Variants in TRIO observed in about 807,000 individuals in gnomAD.
TRIO encodes the protein triple functional domain protein.
Under a neutral mutation model 351.9 loss-of-function variants are expected in TRIO, and 58 were observed. The ratio of observed to expected loss-of-function variants is 0.16; its 90% CI spans 0.13 to 0.21. TRIO has a LOEUF of 0.21. Among genes scored for constraint, TRIO ranks in the 10% least tolerant of loss-of-function variants. TRIO has a pLI of 1.00. For synonymous variants in TRIO, 1,758 were observed against 1,595.7 expected, an observed-to-expected ratio of 1.10 and a Z score of -2.42; for missense variants, 3,201 against 4,027.8, an observed-to-expected ratio of 0.79 and a Z score of 5.56.
chr5:14,195,652 T>C (rs1292300393), intron 1 of TRIO, among the ~76,000 whole-genome samples: 1 of 152,250 alleles, frequency 6.6e-6, no homozygotes, highest in Non-Finnish European at 1.5e-5. Context: ...TTCTTCCGCT[T>C]ATTCCACTTT....
At chr5:14,244,364 TATC>T (rs1362670807) in intron 1 of TRIO, among the ~76,000 whole-genome samples, 2 of 152,172 alleles carry the variant, frequency 1.3e-5, no homozygotes, top group Non-Finnish European at 2.9e-5. Flanking sequence ...ATGGGGCAAA[TATC>T]ATGGAAGAGG....
intron 9 of TRIO, among the ~76,000 whole-genome samples, chr5:14,318,092 C>A (rs1401264723): frequency 6.8e-6 from 1 of 146,790 alleles, no homozygotes; most frequent in East Asian, 2.0e-4. Flanking sequence ...TGCACCATTG[C>A]ACTCCAGCCT....
chr5:14,310,384 G>A (rs1356370916), intron 8 of TRIO, among the ~76,000 whole-genome samples: 1 of 152,256 alleles, frequency 6.6e-6, no homozygotes, highest in African/African-American at 2.4e-5. Flanking sequence ...GTGCCATGGG[G>A]CGTTGGCCTG....
intron 1 of TRIO, among the ~76,000 whole-genome samples, chr5:14,248,839 G>A (rs529512191): frequency 3.9e-4 from 59 of 152,300 alleles, no homozygotes; most frequent in South Asian, 3.5e-3. Context: ...CCATATTATG[G>A]GCAATGGCTC....
rs1202482585 is a variant in TRIO at position 14,176,948 on chromosome 5, A to G, written c.157+33066A>G. Among the ~76,000 whole-genome samples, 5 of 152,364 alleles carry G rather than the reference A, an allele frequency of 3.3e-5. No individual in the cohort carries two copies. In the East Asian group the frequency reaches 9.6e-4, roughly 29 times the overall value. The stretch of plus-strand genomic sequence containing the variant: ...ATTACAGGGTTGATAATATTATAAT[A>G]GATTCATTTTAGAAATGAAACACTT... On this transcript the variant is annotated intron_variant, in intron 1 of 56. Transcript: ENST00000344204.
intron 33 of TRIO, among the ~76,000 whole-genome samples, chr5:14,409,378 C>CAAAAAA (rs533985839): frequency 1.2e-5 from 1 of 83,988 alleles, no homozygotes; most frequent in African/African-American, 3.8e-5. Context: ...ATAGGTTTGC[C>CAAAAAA]AAAAAAAAAA....
chr5:14,387,959 T>C (rs1746691700), intron 23 of TRIO, 112 bp downstream of exon 23: 1 of 1,146,138 alleles, frequency 8.7e-7, no homozygotes, highest in African/African-American at 1.5e-5. Flanking sequence ...CCAGGCTTTT[T>C]GTTGCTCTGG....
At chr5:14,492,916 G>T (rs1756597010) in intron 49 of TRIO, 102 bp downstream of exon 49, 1 of 1,512,002 alleles carries the variant, frequency 6.6e-7, no homozygotes, top group Non-Finnish European at 8.9e-7. Context: ...GTGGAAGGGA[G>T]ATCTGCGCTG....
intron 34 of TRIO, among the ~76,000 whole-genome samples, chr5:14,455,401 G>A (rs1274040190): frequency 6.6e-6 from 1 of 151,774 alleles, no homozygotes; most frequent in Non-Finnish European, 1.5e-5. Context: ...AGTTCTCCAA[G>A]TCCCCACTAG....
At chr5:14,481,158 T>C in intron 43 of TRIO, 76 bp from the exon 44 acceptor site, 1 of 1,489,356 alleles carries the variant, frequency 6.7e-7, no homozygotes, top group Admixed American at 2.0e-5. Context: ...AGACCCTGTC[T>C]CTTAAAAAAA....
intron 8 of TRIO, 67 bp from the exon 9 acceptor site, chr5:14,316,446 A>G: frequency 3.3e-6 from 5 of 1,529,600 alleles, no homozygotes; most frequent in South Asian, 2.4e-5. Context: ...ATCCAAGGAC[A>G]GCATCTGTGG....
At position 14,407,696 on chromosome 5, in the gene TRIO, T is replaced by A. The variant is rs554146578; in HGVS notation, c.4959+1024T>A. On this transcript the variant is annotated intron_variant, in intron 33 of 56. Coordinates refer to ENST00000344204, the MANE Select transcript of TRIO (RefSeq NM_007118.4). ...TATCAAAAAAGTTTGTATAGGTGTA[T>A]CTTCTTCAGAAGCAGCCTAGAGTAT... is the stretch of plus-strand genomic sequence containing the variant. Among the ~76,000 whole-genome samples, 4 of 152,328 alleles carry A rather than the reference T, an allele frequency of 2.6e-5. No individual in the cohort carries two copies. In the South Asian group the frequency reaches 6.2e-4, roughly 24 times the overall value.
intron 48 of TRIO, among the ~76,000 whole-genome samples, chr5:14,489,501 C>T (rs778462873): frequency 7.2e-5 from 11 of 152,150 alleles, no homozygotes; most frequent in Admixed American, 2.0e-4. Context: ...AACCCAGTGA[C>T]GGGCTATACC....
chr5:14,308,687 A>G (rs1459592389), intron 8 of TRIO, among the ~76,000 whole-genome samples: 4 of 110,820 alleles, frequency 3.6e-5, no homozygotes, highest in African/African-American at 2.3e-4. Flanking sequence ...CCATCCATTC[A>G]TTCTCCTAAT....
rs750500596 is a variant in TRIO, at chr5:14,381,265, T to C, written c.3570+13T>C. The stretch of plus-strand genomic sequence containing the variant: ...GATAACTGCAAAGGTGGGTTCAGAG[T>C]GTACTTTGTATAGTGGCCTCTAAGT... On this transcript the variant is annotated intron_variant, in intron 21 of 56. Coordinates refer to ENST00000344204, the MANE Select transcript of TRIO (RefSeq NM_007118.4). The C allele has an allele frequency of 6.2e-7, 1 of 1,601,164 alleles. No individual in the cohort carries two copies. Among genetic ancestry groups the C allele is most frequent in the Non-Finnish European group, 8.5e-7 (1 of 1,176,086 alleles).
chr5:14,350,710 G>T (rs542612012), intron 11 of TRIO, among the ~76,000 whole-genome samples: 1 of 152,220 alleles, frequency 6.6e-6, no homozygotes, highest in South Asian at 2.1e-4. Flanking sequence ...TAATACATTT[G>T]CATGGATAAT....
intron 3 of TRIO, among the ~76,000 whole-genome samples, chr5:14,282,789 GA>G (rs1736118698): frequency 6.6e-6 from 1 of 152,120 alleles, no homozygotes; most frequent in Admixed American, 6.5e-5. Flanking sequence ...TCCGGCCACT[GA>G]ACAGTCTCTT....
At chr5:14,270,703 GTTTC>G (rs1173481151) in intron 1 of TRIO, 118 bp from the exon 2 acceptor site, 3 of 731,154 alleles carry the variant, frequency 4.1e-6, no homozygotes, top group Admixed American at 2.4e-5. Context: ...CTATGATCAT[GTTTC>G]TTAAGTTGAT....
At chr5:14,192,028 A>G (rs998039809) in intron 1 of TRIO, among the ~76,000 whole-genome samples, 2 of 152,232 alleles carry the variant, frequency 1.3e-5, no homozygotes, top group African/African-American at 2.4e-5. Context: ...TCATGTATCT[A>G]ATATCCAGGA....
Sources: allele counts gnomAD v4.1 joint callset (sites outside exome capture counted in the v4.1 genomes callset), GRCh38; gene constraint gnomAD v4.1.1; transcripts MANE v1.5; gene names NCBI Gene and HGNC (gene_info 2026-07-23, HGNC 2026-07-21).